Variants in POTEC observed in about 807,000 individuals in gnomAD.
POTEC encodes the protein ANKRD26-like family B member 2.
POTEC carries 35 observed loss-of-function variants against 62.0 expected under a neutral mutation model. The ratio of observed to expected loss-of-function variants is 0.56; its 90% CI spans 0.43 to 0.75. The LOEUF is 0.75. POTEC is among the 30% of genes least tolerant of loss of function. POTEC has a pLI of 0.00. For synonymous variants in POTEC, 156 were observed against 221.5 expected (o/e 0.70, Z 2.62); for missense variants, 472 against 655.9 (o/e 0.72, Z 3.06).
intron 5 of POTEC, among the ~76,000 whole-genome samples, chr18:14,532,603 C>T (rs1905563982): frequency 6.6e-6 from 1 of 152,054 alleles, no homozygotes; most frequent in African/African-American, 2.4e-5. Context: ...TCTCCTCCTT[C>T]TGACTTGATA....
intron 9 of POTEC, among the ~76,000 whole-genome samples, chr18:14,514,147 G>T (rs1910087442): frequency 2.0e-5 from 3 of 152,162 alleles, no homozygotes; most frequent in Admixed American, 2.0e-4. Flanking sequence ...CAACTAGATG[G>T]TCTCATCTAG....
At chr18:14,524,854 A>G in intron 7 of POTEC, 59 bp downstream of exon 7, 3 of 1,580,184 alleles carry the variant, frequency 1.9e-6, no homozygotes, top group East Asian at 2.3e-5. Context: ...ACTATCTAAT[A>G]TCGTTAAAGC....
At chr18:14,539,043 G>GA (rs1379295917) in intron 1 of POTEC, among the ~76,000 whole-genome samples, 148 of 152,088 alleles carry the variant, frequency 9.7e-4, no homozygotes, top group African/African-American at 3.4e-3. Context: ...GGGCTGAGGT[G>GA]AAAACAAAAA....
At chr18:14,528,776 T>G in intron 6 of POTEC, 1 of 353,788 alleles carries the variant, frequency 2.8e-6, no homozygotes, top group South Asian at 2.1e-5. Context: ...GCCCACAGGG[T>G]AAGACCTACT....
intron 6 of POTEC, chr18:14,528,682 A>C (rs577387153): frequency 9.7e-6 from 2 of 207,034 alleles, no homozygotes; most frequent in Admixed American, 1.1e-4. Context: ...CTGAACAACC[A>C]AAACAACTCT....
At chr18:14,526,719 A>C (rs1223618644) in intron 6 of POTEC, among the ~76,000 whole-genome samples, 3 of 152,160 alleles carry the variant, frequency 2.0e-5, no homozygotes, top group Non-Finnish European at 2.9e-5. Flanking sequence ...GAAAGGGCAC[A>C]CAGGGAAAAG....
At position 14,508,772 on chromosome 18, in the gene POTEC, A is replaced by G. The variant is rs1909913164; in HGVS notation, c.*3126T>C. 1 of 152,628 alleles carries G rather than the reference A, an allele frequency of 6.6e-6. No individual in the cohort carries two copies. Among genetic ancestry groups the G allele is most frequent in the African/African-American group, 2.4e-5 (1 of 41,432 alleles). 9.5% of individuals were successfully genotyped at this position (152,628 alleles called of 1,614,324 possible). A position where few individuals can be genotyped will look rare whatever the true frequency, so the allele number is the denominator to read the frequency against. ...GTTCTGAACACTTGCTGGAGAGTTG[A>G]TGCAGTCATTTGGAGAAAAGAAGGT... is the stretch of plus-strand genomic sequence containing the variant. On this transcript the variant is annotated 3_prime_UTR_variant, in exon 11 of 11. Coordinates refer to ENST00000358970, the MANE Select transcript of POTEC (RefSeq NM_001137671.2).
Position 14,542,859 on chromosome 18 carries a change from G to C in POTEC, c.288C>G (p.Ser96Arg), listed in dbSNP as rs774227433. The change falls in exon 1 of 11, where the codon AGC becomes AGG. Residue 96 changes from serine (S) to arginine (R), a missense_variant. Physicochemically the swap from Ser to Arg is moderately radical, Grantham distance 110. This residue lies in a region of POTEC where 257 missense variants were observed against 250.7 expected (regional missense o/e 1.03). Transcript: ENST00000358970. ...HDNSFMKTLR[S>R]KMGKWCCHCF... ...AGTGACAGCACCACTTGCCCATCTT[G>C]CTCCTGAGCGTCTTCATAAAGGAGT... 7.6e-7 allele frequency: 1 copy of C among 1,308,180 alleles called. No homozygotes were observed. The highest frequency in any genetic ancestry group is 1.1e-6 in the Non-Finnish European group (1 of 937,446). 81.0% of individuals were successfully genotyped at this position (1,308,180 alleles called of 1,614,324 possible). A position where few individuals can be genotyped will look rare whatever the true frequency, so the allele number is the denominator to read the frequency against.
At chr18:14,519,364 G>C (rs1421706405) in intron 9 of POTEC, among the ~76,000 whole-genome samples, 3 of 152,270 alleles carry the variant, frequency 2.0e-5, no homozygotes, top group Non-Finnish European at 4.4e-5. Context: ...CTGGAATTAA[G>C]GAGAGAGATC....
intron 10 of POTEC, among the ~76,000 whole-genome samples, chr18:14,512,305 T>C (rs1216793755): frequency 2.6e-5 from 4 of 152,238 alleles, no homozygotes; most frequent in Non-Finnish European, 1.5e-5. Context: ...TTGGCTACAT[T>C]TTTTAAATTG....
At chr18:14,526,814 G>C (rs1357040778) in intron 6 of POTEC, among the ~76,000 whole-genome samples, 1 of 152,118 alleles carries the variant, frequency 6.6e-6, no homozygotes, top group Non-Finnish European at 1.5e-5. Flanking sequence ...ACGTTCAAGA[G>C]TGGTCCCTGG....
At chr18:14,529,104 A>G in intron 6 of POTEC, 2 of 437,732 alleles carry the variant, frequency 4.6e-6, no homozygotes, top group South Asian at 3.2e-5. Flanking sequence ...TTTTTTTCAA[A>G]ACTTTCATTC....
chr18:14,526,352 C>T (rs1477123216), intron 6 of POTEC, among the ~76,000 whole-genome samples: 1 of 152,090 alleles, frequency 6.6e-6, no homozygotes, highest in Non-Finnish European at 1.5e-5. Context: ...ATTATTCTTC[C>T]ACAGGTCTGT....
At chr18:14,529,404 G>A (rs1369677089) in intron 6 of POTEC, among the ~76,000 whole-genome samples, 1 of 152,054 alleles carries the variant, frequency 6.6e-6, no homozygotes, top group Non-Finnish European at 1.5e-5. Flanking sequence ...AATAGAGACA[G>A]CTCTACTATG....
rs1272599975 is a variant in POTEC, at chr18:14,507,793, C to A, written c.*4105G>T. The A allele has an allele frequency of 6.6e-6, 1 of 152,204 alleles. No individual in the cohort carries two copies. The highest frequency in any genetic ancestry group is 1.9e-4 in the East Asian group (1 of 5,188). 9.4% of individuals were successfully genotyped at this position (152,204 alleles called of 1,614,324 possible). On this transcript the variant is annotated 3_prime_UTR_variant, in exon 11 of 11. Transcript: ENST00000358970. ...GTCTGGTGATAACGAATTCCCTCAG[C>A]ATTTGCTTGTCTGAAAACGATCTTG...
intron 6 of POTEC, 119 bp from the exon 7 acceptor site, chr18:14,525,102 G>A: frequency 2.1e-6 from 3 of 1,435,724 alleles, no homozygotes; most frequent in Non-Finnish European, 2.8e-6. Flanking sequence ...TGAGTGTTTA[G>A]TCTTTCATGA....
At chr18:14,522,472 T>C in intron 8 of POTEC, 52 bp from the exon 9 acceptor site, 2 of 1,463,776 alleles carry the variant, frequency 1.4e-6, no homozygotes, top group Non-Finnish European at 1.8e-6. Flanking sequence ...TGAATAAAAA[T>C]AACCTTTTTA....
At position 14,533,101 on chromosome 18, in the gene POTEC, G is replaced by A; in HGVS notation, c.1015C>T (p.Gln339Ter). Residue 339 changes from glutamine (Q) to a stop codon, truncating the protein, a stop_gained, in exon 5 of 11, where the codon CAG becomes TAG. Coordinates refer to ENST00000358970, the MANE Select transcript of POTEC (RefSeq NM_001137671.2). LOFTEE classifies it high-confidence loss of function. ...VDVSSQDLSG[Q>*]TAREYAVSSH... ...GAAACAGCATACTCTCTGGCCGTCT[G>A]TCCAGATAGATCTTGAGAAGATACA... is the stretch of plus-strand genomic sequence containing the variant. The A allele has an allele frequency of 1.9e-6, 3 of 1,611,214 alleles. No homozygotes were observed. The highest frequency in any genetic ancestry group is 2.5e-6 in the Non-Finnish European group (3 of 1,179,490).
chr18:14,518,778 C>T (rs1344195352), intron 9 of POTEC, among the ~76,000 whole-genome samples: 2 of 147,112 alleles, frequency 1.4e-5, no homozygotes, highest in African/African-American at 5.1e-5. Context: ...AACTGCGAAT[C>T]ACAGAGGTGT....
Sources: gnomAD v4.1 joint callset for allele counts (sites outside exome capture counted in the v4.1 genomes callset) on GRCh38, gnomAD v4.1.1 for gene constraint, gnomAD v4.1.1 regional missense constraint, MANE v1.5 for transcripts, NCBI Gene and HGNC (gene_info 2026-07-23, HGNC 2026-07-21) for gene names.